Variants in MAPK8IP3 observed in about 807,000 individuals in gnomAD.
The protein encoded by MAPK8IP3 is mitogen-activated protein kinase 8 interacting protein 3.
Under a neutral mutation model 157.8 loss-of-function variants are expected in MAPK8IP3, and 49 were observed. The observed-to-expected ratio is 0.31, with a 90% CI of 0.25 to 0.39. MAPK8IP3 has a LOEUF of 0.39. Ranked by LOEUF, MAPK8IP3 falls within the 10% of genes least tolerant of loss-of-function variation. MAPK8IP3 has a pLI of 1.00. For missense variants in MAPK8IP3, 1,478 were observed against 1,889.4 expected (o/e 0.78, Z 4.04); for synonymous variants, 897 against 777.7 (o/e 1.15, Z -2.55).
chr16:1,722,059 C>T (rs1165658288), intron 1 of MAPK8IP3, among the ~76,000 whole-genome samples: 2 of 152,162 alleles, frequency 1.3e-5, no homozygotes, highest in Non-Finnish European at 2.9e-5. Flanking sequence ...CGTGAGCCAC[C>T]GCACCCAGAC....
At chr16:1,752,522 C>A (rs897493277) in intron 8 of MAPK8IP3, 6 of 355,162 alleles carry the variant, frequency 1.7e-5, no homozygotes, top group Admixed American at 3.4e-5. Flanking sequence ...GCAGGAGGAT[C>A]ACCTGCGCCT....
intron 8 of MAPK8IP3, among the ~76,000 whole-genome samples, chr16:1,757,876 GC>G (rs2041704831): frequency 6.6e-6 from 1 of 152,232 alleles, no homozygotes; most frequent in Admixed American, 6.5e-5. Flanking sequence ...GGCGATGGGA[GC>G]AGAGGGCAGC....
intron 20 of MAPK8IP3, 94 bp downstream of exon 20, chr16:1,765,272 G>A (rs2042192211): frequency 1.4e-6 from 2 of 1,415,586 alleles, no homozygotes; most frequent in South Asian, 2.8e-5. Context: ...TGCCTTCTCG[G>A]GGTGTCCTGT....
rs768652528 is a variant in MAPK8IP3 at position 1,767,554 on chromosome 16, G to T, written c.3238-10G>T. ...CCCAGCCCTGTTGATGGGCAGCCATGACTCCACAGAAGTCATTTGACGCCC... is the reference window on the plus strand; with the variant it reads ...CCCAGCCCTGTTGATGGGCAGCCATTACTCCACAGAAGTCATTTGACGCCC... On this transcript the variant is annotated splice_polypyrimidine_tract_variant and intron_variant, in intron 26 of 31. Coordinates refer to ENST00000610761, the MANE Select transcript of MAPK8IP3 (RefSeq NM_001318852.2). 6.2e-7 allele frequency: 1 copy of T among 1,609,326 alleles called. No individual in the cohort carries two copies. Among genetic ancestry groups the T allele is most frequent in the South Asian group, 1.1e-5 (1 of 90,938 alleles).
intron 4 of MAPK8IP3, among the ~76,000 whole-genome samples, chr16:1,731,985 G>A (rs1202053224): frequency 6.6e-6 from 1 of 152,126 alleles, no homozygotes; most frequent in Non-Finnish European, 1.5e-5. Context: ...TCAGAGAGTC[G>A]GGGGAGCCTG....
In MAPK8IP3 at chr16:1,710,603, C is replaced by A. The variant is rs2037709905; in HGVS notation, c.318+3946C>A. 6.6e-6 allele frequency among the ~76,000 whole-genome samples: 1 copy of A among 152,156 alleles called. No individual in the cohort carries two copies. The highest frequency in any genetic ancestry group is 1.5e-5 in the Non-Finnish European group (1 of 68,032). Reference sequence around the variant, plus strand: ...AGAGATGATCAGTCTGCCATTTTTCCTTCTTTTTTTCTCCTCTGCGCCAGA... The same window carrying A: ...AGAGATGATCAGTCTGCCATTTTTCATTCTTTTTTTCTCCTCTGCGCCAGA... On this transcript the variant is annotated intron_variant, in intron 1 of 31. Coordinates refer to ENST00000610761, the MANE Select transcript of MAPK8IP3 (RefSeq NM_001318852.2). This position sits in a 1 kb window ranked among gnomAD's most constrained non-coding sequence, Gnocchi z 4.1.
At chr16:1,737,494 G>C (rs1490891083) in intron 4 of MAPK8IP3, among the ~76,000 whole-genome samples, 1 of 100,544 alleles carries the variant, frequency 9.9e-6, no homozygotes, top group African/African-American at 3.9e-5. Context: ...GTCCGTGTGA[G>C]CGTCCGTGTG....
rs1567146763 is a variant in MAPK8IP3, at chr16:1,724,525, A to G, written c.319-32A>G. ...GGCGGCTGCTCCACACTCACTCCTG[A>G]TGACTGCTCTTTCCCTCCCTTCCAT... On this transcript the variant is annotated intron_variant, in intron 1 of 31. Coordinates refer to ENST00000610761, the MANE Select transcript of MAPK8IP3 (RefSeq NM_001318852.2). This position sits in a 1 kb window ranked among gnomAD's most constrained non-coding sequence, Gnocchi z 4.1. 6.2e-7 allele frequency: 1 copy of G among 1,609,674 alleles called. No homozygotes were observed. Among genetic ancestry groups the G allele is most frequent in the Non-Finnish European group, 8.5e-7 (1 of 1,178,670 alleles).
intron 10 of MAPK8IP3, 128 bp downstream of exon 10, chr16:1,759,123 C>T (rs2041789852): frequency 1.6e-6 from 2 of 1,265,724 alleles, no homozygotes; most frequent in East Asian, 2.4e-5. Flanking sequence ...AGGGGGGCAG[C>T]CCTGAGTGAA....
chr16:1,761,399 CCACCATT>C (rs1204728529), intron 13 of MAPK8IP3, 94 bp downstream of exon 13: 20 of 1,053,890 alleles, frequency 1.9e-5, no homozygotes, highest in African/African-American at 1.9e-4. Context: ...CACAGGGTGA[CCACCATT>C]CACCATTCAC....
In MAPK8IP3 at chr16:1,751,113, C is replaced by T. The variant is rs985391781; in HGVS notation, c.1216+2393C>T. On this transcript the variant is annotated intron_variant, in intron 8 of 31. Coordinates refer to ENST00000610761, the MANE Select transcript of MAPK8IP3 (RefSeq NM_001318852.2). This position sits in a 1 kb window ranked among gnomAD's most constrained non-coding sequence, Gnocchi z 5.0. ...ACTGACGGGCACGGCCACCGTCGGT[C>T]CTTACTGCAGCATCAAGCCGCCCTC... Among the ~76,000 whole-genome samples, 3 of 152,144 alleles carry T rather than the reference C, an allele frequency of 2.0e-5. No individual in the cohort carries two copies. The highest frequency in any genetic ancestry group is 7.2e-5 in the African/African-American group (3 of 41,432).
intron 3 of MAPK8IP3, 82 bp from the exon 4 acceptor site, chr16:1,729,405 C>A: frequency 2.1e-6 from 3 of 1,400,310 alleles, no homozygotes; most frequent in Non-Finnish European, 2.0e-6. Flanking sequence ...CTGCACAGGG[C>A]AGCCGGAAAA....
rs2040790848 is a variant in MAPK8IP3 at position 1,743,392 on chromosome 16, A to G, written c.663A>G (p.Ala221=). The change falls in exon 5 of 32, where the codon GCA becomes GCG. Residue 221 remains alanine (A), a synonymous_variant. Coordinates refer to ENST00000610761, the MANE Select transcript of MAPK8IP3 (RefSeq NM_001318852.2). This position sits in a 1 kb window ranked among gnomAD's most constrained non-coding sequence, Gnocchi z 5.6. The part of the protein sequence containing the change: ...VFPLADGTVR[A]QIGGKLVPAG... ...CCCTGGCTGACGGCACGGTACGTGC[A>G]CAGATCGGGGGCAAGCTCGTGCCTG... 5 of 1,608,570 alleles carry G rather than the reference A, an allele frequency of 3.1e-6. No individual in the cohort carries two copies. The highest frequency in any genetic ancestry group is 4.2e-6 in the Non-Finnish European group (5 of 1,177,918).
chr16:1,740,448 CCTT>C (rs1221102234), intron 4 of MAPK8IP3, among the ~76,000 whole-genome samples: 5 of 151,220 alleles, frequency 3.3e-5, no homozygotes, highest in African/African-American at 1.2e-4. Flanking sequence ...ACACCTGTCT[CCTT>C]ATCGTCACAT....
chr16:1,719,100 A>G (rs1018352395), intron 1 of MAPK8IP3, among the ~76,000 whole-genome samples: 1 of 152,192 alleles, frequency 6.6e-6, no homozygotes, highest in African/African-American at 2.4e-5. Flanking sequence ...CAGCCTCCCA[A>G]GTAGCTGGGA....
intron 19 of MAPK8IP3, 42 bp from the exon 20 acceptor site, chr16:1,764,971 C>A: frequency 6.4e-7 from 1 of 1,574,790 alleles, no homozygotes; most frequent in Non-Finnish European, 8.7e-7. Context: ...ACCGGGTAGC[C>A]TCAAGCTCGG....
At position 1,760,649 on chromosome 16, in the gene MAPK8IP3, A is replaced by C. The variant is rs1408201001; in HGVS notation, c.1457+117A>C. 7.0e-6 allele frequency: 9 copies of C among 1,285,428 alleles called. No homozygotes were observed. In the East Asian group the frequency reaches 2.0e-4, roughly 29 times the overall value. 79.6% of individuals were successfully genotyped at this position (1,285,428 alleles called of 1,614,324 possible). On this transcript the variant is annotated intron_variant, in intron 12 of 31. Coordinates refer to ENST00000610761, the MANE Select transcript of MAPK8IP3 (RefSeq NM_001318852.2). ...GAGCGGCTCTGTGCATAGCCTACCT[A>C]CCTCCAGCTCCAGCTCACAGCCACT...
Position 1,762,968 on chromosome 16 carries a change from C to G in MAPK8IP3, c.1860C>G (p.Ile620Met). 6.2e-7 allele frequency: 1 copy of G among 1,612,972 alleles called. No homozygotes were observed. Among genetic ancestry groups the G allele is most frequent in the East Asian group, 2.2e-5 (1 of 44,882 alleles). The change falls in exon 16 of 32, where the codon ATC (isoleucine) becomes ATG (methionine). Residue 620 changes from isoleucine (I) to methionine (M), a missense_variant. This residue lies in a region of MAPK8IP3 where 669 missense variants were observed against 759.8 expected (regional missense o/e 0.88). Transcript: ENST00000610761. ...GCCGCAACCATGCCATGTGCCCGAT[C>G]TCGGCAGGCAGCCGGCCCCTGGAAT... is the stretch of plus-strand genomic sequence containing the variant. ...SQRRNHAMCP[I>M]SAGSRPLEFF...
intron 8 of MAPK8IP3, among the ~76,000 whole-genome samples, chr16:1,756,923 C>A (rs768700588): frequency 2.0e-5 from 3 of 152,062 alleles, no homozygotes; most frequent in Non-Finnish European, 4.4e-5. Context: ...TAATGGGGTC[C>A]CGTTTTTGTT....
Sources: allele counts gnomAD v4.1 joint callset (sites outside exome capture counted in the v4.1 genomes callset), GRCh38; gene constraint gnomAD v4.1.1; regional missense constraint gnomAD v4.1.1; non-coding constraint Gnocchi (gnomAD v3.1); transcripts MANE v1.5; gene names NCBI Gene and HGNC (gene_info 2026-07-23, HGNC 2026-07-21).